DMBT1: variants seen among roughly 807,000 people sequenced by gnomAD.
The protein encoded by DMBT1 is scavenger receptor cysteine-rich domain-containing protein DMBT1.
In DMBT1, 198 loss-of-function variants were observed where a neutral mutation model predicts 252.9. The ratio of observed to expected loss-of-function variants is 0.78; its 90% CI spans 0.70 to 0.88. DMBT1 has a LOEUF of 0.88. Among genes scored for constraint, DMBT1 ranks in the 40% least tolerant of loss-of-function variants. The pLI is 0.00. For missense variants in DMBT1, 2,432 were observed against 2,404.7 expected (o/e 1.01, Z -0.24); for synonymous variants, 990 against 942.7 (o/e 1.05, Z -0.92).
At chr10:122,620,438 C>T (rs1178388257) in intron 43 of DMBT1, 147 bp downstream of exon 43, 2 of 923,126 alleles carry the variant, frequency 2.2e-6, no homozygotes, top group Non-Finnish European at 3.3e-6. Flanking sequence ...CCCTGGGAAC[C>T]TAGTCCTGGG....
At chr10:122,625,351 A>G in intron 45 of DMBT1, 48 bp downstream of exon 45, 1 of 1,565,738 alleles carries the variant, frequency 6.4e-7, no homozygotes, top group Non-Finnish European at 8.8e-7. Context: ...TGGGAATTCC[A>G]CCCTCTCTTG....
intron 2 of DMBT1, among the ~76,000 whole-genome samples, chr10:122,568,772 G>A: frequency 6.6e-6 from 1 of 152,238 alleles, no homozygotes; most frequent in Non-Finnish European, 1.5e-5. Context: ...GCCCACTTTG[G>A]TCAGGGCTTG....
At chr10:122,569,076 T>G (rs778863616) in intron 2 of DMBT1, among the ~76,000 whole-genome samples, 1 of 152,150 alleles carries the variant, frequency 6.6e-6, no homozygotes, top group Non-Finnish European at 1.5e-5. Context: ...TCATAGACAA[T>G]GAAGGTCAAG....
At chr10:122,629,519 T>G (rs1221727382) in intron 46 of DMBT1, among the ~76,000 whole-genome samples, 5 of 152,234 alleles carry the variant, frequency 3.3e-5, no homozygotes, top group Non-Finnish European at 7.3e-5. Context: ...TGTCTGTAGC[T>G]GATTGAACAA....
chr10:122,628,612 G>A (rs2098135411), intron 46 of DMBT1, among the ~76,000 whole-genome samples: 1 of 151,970 alleles, frequency 6.6e-6, no homozygotes, highest in South Asian at 2.1e-4. Context: ...CTCCAGCCTG[G>A]GTGACAAGAG....
intron 42 of DMBT1, among the ~76,000 whole-genome samples, 166 bp from the exon 43 acceptor site, chr10:122,620,087 T>C (rs1482113770): frequency 6.6e-6 from 1 of 152,198 alleles, no homozygotes; most frequent in Admixed American, 6.5e-5. Context: ...AAGGCCTTTG[T>C]TCCTGGCTGT....
rs775509248 is a variant in DMBT1, at chr10:122,618,074, G to A, written c.4949G>A (p.Arg1650Gln). The A allele has an allele frequency of 1.1e-5, 18 of 1,613,656 alleles. No individual in the cohort carries two copies. The highest frequency in any genetic ancestry group is 1.7e-4 in the Middle Eastern group (1 of 6,010). ...LVNGGDRCRG[R>Q]VEVLYQGSWG... is the part of the protein sequence containing the mutation. ...AATGGAGGTGACAGGTGTCGAGGCC[G>A]AGTGGAGGTCCTATACCAAGGCTCC... Residue 1650 changes from arginine to glutamine, a missense_variant, in exon 41 of 56, where the codon CGA (arginine) becomes CAA (glutamine). Physicochemically the swap from Arg to Gln is conservative, Grantham distance 43. This residue lies in a region of DMBT1 where 1,162 missense variants were observed against 1,169.0 expected (regional missense o/e 0.99). Coordinates refer to ENST00000338354, the MANE Select transcript of DMBT1 (RefSeq NM_001377530.1).
At chr10:122,598,390 C>A (rs751565776) in intron 25 of DMBT1, among the ~76,000 whole-genome samples, 4 of 152,180 alleles carry the variant, frequency 2.6e-5, no homozygotes, top group Non-Finnish European at 5.9e-5. Flanking sequence ...AAGGCCTTGT[C>A]ATACCTGTGA....
chr10:122,598,911 A>C lies in DMBT1; in HGVS notation c.3094A>C (p.Arg1032=), dbSNP rs2133605260. ...CACCAATGATGCCAATGTCGTCTGCAGGCAACTGGGCTGTGGCTGGGCCAT... is the reference window on the plus strand; with the variant it reads ...CACCAATGATGCCAATGTCGTCTGCCGGCAACTGGGCTGTGGCTGGGCCAT... The part of the protein sequence containing the change: ...WDTNDANVVC[R]QLGCGWAMSA... The change falls in exon 26 of 56, where the codon AGG becomes CGG. Residue 1032 remains arginine, a synonymous_variant. Transcript: ENST00000338354. 1.9e-6 allele frequency: 3 copies of C among 1,613,844 alleles called. No homozygotes were observed. Among genetic ancestry groups the C allele is most frequent in the East Asian group, 2.2e-5 (1 of 44,868 alleles).
chr10:122,585,382 G>A, intron 15 of DMBT1, 73 bp downstream of exon 15: 1 of 1,525,440 alleles, frequency 6.6e-7, no homozygotes, highest in Non-Finnish European at 9.0e-7. Context: ...TGAAATGATA[G>A]GATGAGGGTC....
At chr10:122,639,785 C>T (rs944857052) in intron 54 of DMBT1, among the ~76,000 whole-genome samples, 14 of 152,174 alleles carry the variant, frequency 9.2e-5, no homozygotes, top group South Asian at 4.1e-4. Flanking sequence ...AGAAAATGTA[C>T]GCTAAGAGCA....
chr10:122,625,005 C>T (rs569625997), intron 44 of DMBT1, among the ~76,000 whole-genome samples: 18 of 152,270 alleles, frequency 1.2e-4, no homozygotes, highest in Admixed American at 1.1e-3. Context: ...ATGTTGTTGG[C>T]GTCTTTGAAT....
Position 122,643,222 on chromosome 10 carries a change from G to T in DMBT1, c.7453G>T (p.Val2485Leu), listed in dbSNP as rs1415325438. Reference protein sequence around the residue: ...AFHFLNRFPSVYLRCKMVVCR... With the variant: ...AFHFLNRFPSLYLRCKMVVCR... ...CCACTTCCTGAACCGCTTCCCCTCC[G>T]TGTACCTGCGTTGTAAAATGGTGGT... The change falls in exon 56 of 56, where the codon GTG becomes TTG. Residue 2485 changes from valine to leucine, a missense_variant. Coordinates refer to ENST00000338354, the MANE Select transcript of DMBT1 (RefSeq NM_001377530.1). 1.2e-6 allele frequency: 2 copies of T among 1,613,902 alleles called. No individual in the cohort carries two copies. The highest frequency in any genetic ancestry group is 4.5e-5 in the East Asian group (2 of 44,874).
intron 26 of DMBT1, among the ~76,000 whole-genome samples, chr10:122,599,448 G>C (rs2097918280): frequency 6.6e-6 from 1 of 152,226 alleles, no homozygotes; most frequent in Non-Finnish European, 1.5e-5. Flanking sequence ...GCGGGGTAGG[G>C]ATCCTCTCAC....
chr10:122,585,240 A>G, intron 14 of DMBT1, 31 bp from the exon 15 acceptor site: 1 of 1,583,708 alleles, frequency 6.3e-7, no homozygotes, highest in Non-Finnish European at 8.6e-7. Context: ...ATCAACTTTA[A>G]TTCTAGCCTT....
chr10:122,572,635 C>A (rs1248378703), intron 5 of DMBT1, among the ~76,000 whole-genome samples: 2 of 151,550 alleles, frequency 1.3e-5, no homozygotes. Flanking sequence ...GGTACCACCC[C>A]TTTTCATAGA....
At chr10:122,620,942 G>T in intron 43 of DMBT1, 115 bp from the exon 44 acceptor site, 1 of 1,543,116 alleles carries the variant, frequency 6.5e-7, no homozygotes, top group Non-Finnish European at 8.8e-7. Context: ...ATATTCAAAG[G>T]TGATTACCTG....
chr10:122,634,396 C>CTTTCT (rs1555030451), intron 52 of DMBT1, among the ~76,000 whole-genome samples: 1 of 133,654 alleles, frequency 7.5e-6, no homozygotes, highest in Non-Finnish European at 1.6e-5. Flanking sequence ...TTCTTTCTTT[C>CTTTCT]TTTCTTTTCT....
rs201130353 is a variant in DMBT1 at position 122,585,307 on chromosome 10, T to C, written c.1457T>C (p.Val486Ala). Reference protein sequence around the residue: ...LPTITLPASTVGSESSLALRL... With the variant: ...LPTITLPASTAGSESSLALRL... ...ACCATCACCTTACCTGCATCGACAG[T>C]AGGTAAATAATCCTCTCGCCCCTCC... The change falls in exon 15 of 56, where the codon GTA becomes GCA. Residue 486 changes from valine to alanine, a missense_variant and splice_region_variant. By Grantham distance (64) the Val-to-Ala change is moderately conservative. Around this residue, in one of 3 missense-constraint regions of DMBT1, gnomAD observed 1,264 missense variants for 1,082.2 expected, o/e 1.17. Transcript: ENST00000338354. 9 of 1,586,324 alleles carry C rather than the reference T, an allele frequency of 5.7e-6. 2 individuals carry two copies. In the Admixed American group the frequency reaches 6.7e-5, roughly 12 times the overall value.
Sources: gnomAD v4.1 joint callset for allele counts (sites outside exome capture counted in the v4.1 genomes callset) on GRCh38, gnomAD v4.1.1 for gene constraint, gnomAD v4.1.1 regional missense constraint, MANE v1.5 for transcripts, NCBI Gene and HGNC (gene_info 2026-07-23, HGNC 2026-07-21) for gene names.